PCED1B: variants seen among roughly 807,000 people sequenced by gnomAD.
The protein encoded by PCED1B is PC-esterase domain-containing protein 1B.
For missense variants in PCED1B, 573 were observed against 573.9 expected (o/e 1.00, Z 0.02); for synonymous variants, 251 against 246.1 (o/e 1.02, Z -0.19).
At chr12:47,086,732 A>C (rs1257379295) in intron 1 of PCED1B, among the ~76,000 whole-genome samples, 1 of 152,174 alleles carries the variant, frequency 6.6e-6, no homozygotes, top group Non-Finnish European at 1.5e-5. Flanking sequence ...TGAAGAGGTC[A>C]TCTGATTGAA....
chr12:47,186,327 C>T (rs970942993), intron 2 of PCED1B, among the ~76,000 whole-genome samples: 3 of 151,668 alleles, frequency 2.0e-5, no homozygotes, highest in African/African-American at 7.3e-5. Flanking sequence ...CTTCTAGGGG[C>T]AGCAAATTGT....
intron 2 of PCED1B, among the ~76,000 whole-genome samples, chr12:47,214,509 G>A (rs1424401291): frequency 6.6e-6 from 1 of 151,870 alleles, no homozygotes. Flanking sequence ...AGATTAACAG[G>A]AGAAAAAAAC....
chr12:47,105,457 G>T (rs1470991975), intron 2 of PCED1B, among the ~76,000 whole-genome samples: 1 of 152,170 alleles, frequency 6.6e-6, no homozygotes, highest in Non-Finnish European at 1.5e-5. Flanking sequence ...GGTGGAAGCA[G>T]TGTTTCAGAA....
In PCED1B at chr12:47,141,528, A is replaced by G. The variant is rs1165224785; in HGVS notation, c.-526+37333A>G. Among the ~76,000 whole-genome samples, 3 of 151,894 alleles carry G rather than the reference A, an allele frequency of 2.0e-5. No individual in the cohort carries two copies. The South Asian group carries it at 6.2e-4, about 32-fold the overall frequency. Reference sequence around the variant, plus strand: ...GCTTCAGGCAACAGGCCTGCTGACCACAATCCTGGCTGTGGATCCTGAAGC... The same window carrying G: ...GCTTCAGGCAACAGGCCTGCTGACCGCAATCCTGGCTGTGGATCCTGAAGC... On this transcript the variant is annotated intron_variant, in intron 2 of 3. Coordinates refer to ENST00000546455, the MANE Select transcript of PCED1B (RefSeq NM_138371.3).
At chr12:47,086,854 C>T (rs1476509393) in intron 1 of PCED1B, among the ~76,000 whole-genome samples, 1 of 152,168 alleles carries the variant, frequency 6.6e-6, no homozygotes, top group Non-Finnish European at 1.5e-5. Flanking sequence ...ATTCAGAGTC[C>T]TATTTTATGC....
At chr12:47,118,025 T>C (rs910675955) in intron 2 of PCED1B, among the ~76,000 whole-genome samples, 12 of 151,808 alleles carry the variant, frequency 7.9e-5, no homozygotes, top group African/African-American at 9.7e-5. Context: ...TCATATCCTT[T>C]GCCCACTTTT....
At chr12:47,163,190 T>C (rs1168912113) in intron 2 of PCED1B, among the ~76,000 whole-genome samples, 1 of 152,230 alleles carries the variant, frequency 6.6e-6, no homozygotes, top group Non-Finnish European at 1.5e-5. Flanking sequence ...GCTATGAAAT[T>C]GTTTTTAGAA....
chr12:47,179,215 C>T (rs1592244922), intron 2 of PCED1B, among the ~76,000 whole-genome samples: 1 of 152,196 alleles, frequency 6.6e-6, no homozygotes, highest in East Asian at 1.9e-4. Flanking sequence ...AAGGCTCATA[C>T]AAGACCTTCT....
At chr12:47,138,782 T>TCCAAATGA (rs1202390969) in intron 2 of PCED1B, among the ~76,000 whole-genome samples, 1 of 152,204 alleles carries the variant, frequency 6.6e-6, no homozygotes, top group Non-Finnish European at 1.5e-5. Context: ...CCTTTTCAAG[T>TCCAAATGA]CCAAATGACC....
chr12:47,110,703 C>G (rs969278929), intron 2 of PCED1B, among the ~76,000 whole-genome samples: 1 of 152,134 alleles, frequency 6.6e-6, no homozygotes, highest in Non-Finnish European at 1.5e-5. Context: ...GAAATATAAT[C>G]AATGAAAGGT....
chr12:47,169,132 T>C (rs1163043145), intron 2 of PCED1B, among the ~76,000 whole-genome samples: 12 of 152,190 alleles, frequency 7.9e-5, no homozygotes, highest in Non-Finnish European at 1.8e-4. Flanking sequence ...GAAGTGGAAA[T>C]GAAGACCTAA....
intron 2 of PCED1B, among the ~76,000 whole-genome samples, chr12:47,175,263 G>C (rs1941885609): frequency 6.6e-6 from 1 of 152,106 alleles, no homozygotes; most frequent in South Asian, 2.1e-4. Flanking sequence ...AAGTGCAAAA[G>C]TGCTCATAAT....
chr12:47,227,128 A>T (rs938072658), intron 3 of PCED1B, among the ~76,000 whole-genome samples: 3 of 151,610 alleles, frequency 2.0e-5, no homozygotes, highest in African/African-American at 7.3e-5. Context: ...TTTCCATTTC[A>T]GGTTTTTCTG....
At chr12:47,083,962 C>A (rs1325855613) in intron 1 of PCED1B, among the ~76,000 whole-genome samples, 2 of 152,092 alleles carry the variant, frequency 1.3e-5, no homozygotes, top group African/African-American at 2.4e-5. Context: ...ATAAAATTCA[C>A]CATTGTAACA....
intron 2 of PCED1B, among the ~76,000 whole-genome samples, chr12:47,139,867 G>A (rs79683491): frequency 0.012 from 1,856 of 152,110 alleles, 22 homozygotes; most frequent in Non-Finnish European, 0.018. Flanking sequence ...ATGCAGTATG[G>A]TATGTGTGTA....
At chr12:47,113,594 A>G (rs1478640483) in intron 2 of PCED1B, among the ~76,000 whole-genome samples, 1 of 152,190 alleles carries the variant, frequency 6.6e-6, no homozygotes, top group Non-Finnish European at 1.5e-5. Context: ...AGACAATCAG[A>G]TTTTACCAGA....
chr12:47,106,711 C>G (rs1938966077), intron 2 of PCED1B, among the ~76,000 whole-genome samples: 1 of 152,218 alleles, frequency 6.6e-6, no homozygotes, highest in Non-Finnish European at 1.5e-5. Context: ...CCCCGCTTCT[C>G]TATCTTTTCT....
intron 1 of PCED1B, among the ~76,000 whole-genome samples, chr12:47,102,359 C>T (rs2137223694): frequency 6.6e-6 from 1 of 152,316 alleles, no homozygotes; most frequent in South Asian, 2.1e-4. Flanking sequence ...AGTTTCACAT[C>T]ATGTCTTTAC....
chr12:47,203,703 C>T (rs1942834635), intron 2 of PCED1B, among the ~76,000 whole-genome samples: 1 of 152,154 alleles, frequency 6.6e-6, no homozygotes, highest in Non-Finnish European at 1.5e-5. Context: ...TTTCATTATC[C>T]AGTCTATTAC....
Sources: gnomAD v4.1 joint callset for allele counts (sites outside exome capture counted in the v4.1 genomes callset) on GRCh38, gnomAD v4.1.1 for gene constraint, MANE v1.5 for transcripts, NCBI Gene and HGNC (gene_info 2026-07-23, HGNC 2026-07-21) for gene names.